ITGAD: variants seen among roughly 807,000 people sequenced by gnomAD.
The protein encoded by ITGAD is integrin subunit alpha D.
A neutral mutation model predicts 139.0 loss-of-function variants in ITGAD; 105 were observed. That is an observed-to-expected ratio of 0.76 (90% confidence interval 0.65 to 0.89). The LOEUF (loss-of-function observed/expected upper bound fraction) is 0.89. ITGAD is among the 40% of genes least tolerant of loss of function. ITGAD has a pLI of 0.00. For missense variants in ITGAD, 1,384 were observed against 1,487.3 expected (o/e 0.93, Z 1.14); for synonymous variants, 569 against 598.3 (o/e 0.95, Z 0.71).
Position 31,416,404 on chromosome 16 carries a change from T to C in ITGAD, c.2358-101T>C, listed in dbSNP as rs564246483. On this transcript the variant is annotated intron_variant, in intron 19 of 29. Coordinates refer to ENST00000389202, the MANE Select transcript of ITGAD (RefSeq NM_005353.3). ...AAAAGTGATGTTCACTGGATTGTTA[T>C]TGGCCCAGAGCTCCAGAGTTCCTGG... 329 of 1,527,478 alleles carry C rather than the reference T, an allele frequency of 2.2e-4. 1 individual carries two copies. In the African/African-American group the frequency reaches 3.9e-3, roughly 18 times the overall value. 94.6% of individuals were successfully genotyped at this position (1,527,478 alleles called of 1,614,324 possible).
intron 10 of ITGAD, 102 bp downstream of exon 10, chr16:31,408,600 C>G (rs566226975): frequency 9.9e-7 from 1 of 1,009,488 alleles, no homozygotes; most frequent in South Asian, 1.4e-5. Context: ...CAGACCCCAT[C>G]CTCAATCGCC....
chr16:31,404,443 C>G (rs2142681584), intron 7 of ITGAD: 1 of 152,342 alleles, frequency 6.6e-6, no homozygotes, highest in Admixed American at 6.5e-5. Context: ...ATGCTCCCAC[C>G]AAACGCACCC....
At position 31,397,883 on chromosome 16, in the gene ITGAD, T is replaced by A. The variant is rs369894184; in HGVS notation, c.401T>A (p.Ile134Asn). 417 of 1,613,244 alleles carry A rather than the reference T, an allele frequency of 2.6e-4. 3 individuals carry two copies. In the South Asian group the frequency reaches 4.3e-3, roughly 17 times the overall value. The change falls in exon 5 of 30, where the codon ATC becomes AAC. Residue 134 changes from isoleucine to asparagine, a missense_variant. By Grantham distance (149) the Ile-to-Asn change is moderately radical. Coordinates refer to ENST00000389202, the MANE Select transcript of ITGAD (RefSeq NM_005353.3). ...CLLLGSRWEI[I>N]QTVPDATPEC... is the part of the protein sequence containing the mutation. The stretch of plus-strand genomic sequence containing the variant: ...CTGCTGGGCTCGCGCTGGGAGATCA[T>A]CCAGACAGTCCCCGACGCCACGCCA...
At chr16:31,413,064 T>C in intron 15 of ITGAD, 25 bp from the exon 16 acceptor site, 1 of 1,613,252 alleles carries the variant, frequency 6.2e-7, no homozygotes, top group South Asian at 1.1e-5. Flanking sequence ...CAGTGTTCTG[T>C]CCTCCCCACT....
Position 31,424,621 on chromosome 16 carries a change from AG to A in ITGAD, c.3372+45del, listed in dbSNP as rs753085814. The A allele has an allele frequency of 5.4e-6, 7 of 1,295,990 alleles. No individual in the cohort carries two copies. The South Asian group carries it at 9.4e-5, about 17-fold the overall frequency. 80.3% of individuals were successfully genotyped at this position (1,295,990 alleles called of 1,614,324 possible). On this transcript the variant is annotated intron_variant, in intron 29 of 29. Transcript: ENST00000389202. ...TCTTTTTTTTTTTTTTTTGAGATGG[AG>A]TTTCCACTCTTACTGCCCAGGCTGG...
In ITGAD at chr16:31,410,503, G is replaced by A; in HGVS notation, c.1192G>A (p.Asp398Asn). 1.2e-6 allele frequency: 2 copies of A among 1,613,236 alleles called. No homozygotes were observed. Among genetic ancestry groups the A allele is most frequent in the South Asian group, 1.1e-5 (1 of 91,054 alleles). ...TFINMSQENV[D>N]MRDSYLGYST... ...CATCAACATGTCTCAGGAGAATGTGGACATGAGGGACTCTTACCTGGGTGA... is the reference window on the plus strand; with the variant it reads ...CATCAACATGTCTCAGGAGAATGTGAACATGAGGGACTCTTACCTGGGTGA... Residue 398 changes from aspartate (D) to asparagine (N), a missense_variant, in exon 11 of 30, where the codon GAC (aspartate) becomes AAC (asparagine). Transcript: ENST00000389202.
intron 26 of ITGAD, 83 bp from the exon 27 acceptor site, chr16:31,423,762 C>A: frequency 1.3e-6 from 2 of 1,544,274 alleles, no homozygotes; most frequent in Non-Finnish European, 1.8e-6. Context: ...CATCTGTTCC[C>A]CACCCCAAAC....
intron 19 of ITGAD, 53 bp downstream of exon 19, chr16:31,416,339 C>T: frequency 6.5e-7 from 1 of 1,526,958 alleles, no homozygotes; most frequent in Non-Finnish European, 9.0e-7. Flanking sequence ...AGTCCCCCAT[C>T]CTCCTGGGAT....
At position 31,397,468 on chromosome 16, in the gene ITGAD, T is replaced by A. The variant is rs2081294178; in HGVS notation, c.241+6T>A. ...CCAGCCCATCCCGCTGCACAGTGAG[T>A]GACCACCTGGGAATTGGGCCCCTCA... On this transcript the variant is annotated splice_donor_region_variant and intron_variant, in intron 3 of 29. Transcript: ENST00000389202. The A allele has an allele frequency of 1.3e-6, 2 of 1,588,076 alleles. No individual in the cohort carries two copies. The highest frequency in any genetic ancestry group is 1.7e-6 in the Non-Finnish European group (2 of 1,166,028).
intron 7 of ITGAD, among the ~76,000 whole-genome samples, chr16:31,405,072 TG>T (rs1322776103): frequency 3.3e-5 from 5 of 152,110 alleles, no homozygotes; most frequent in Non-Finnish European, 7.3e-5. Context: ...GGCTGATTTT[TG>T]TATTCCAAGT....
chr16:31,410,448 C>T lies in ITGAD; in HGVS notation c.1137C>T (p.Phe379=), dbSNP rs1198481858. 1 of 1,614,026 alleles carries T rather than the reference C, an allele frequency of 6.2e-7. No individual in the cohort carries two copies. The highest frequency in any genetic ancestry group is 2.2e-5 in the East Asian group (1 of 44,868). ...VGSFSWSGGA[F]LYPPNMSPTF... is the part of the protein sequence containing the mutation. ...GCTTTAGCTGGTCTGGAGGTGCCTT[C>T]CTGTATCCCCCAAATATGAGCCCCA... The change falls in exon 11 of 30, where the codon TTC becomes TTT. Residue 379 remains phenylalanine (F), a synonymous_variant. Transcript: ENST00000389202.
chr16:31,397,520 G>A (rs561770435), intron 3 of ITGAD, 58 bp downstream of exon 3: 44 of 1,584,832 alleles, frequency 2.8e-5, no homozygotes, highest in East Asian at 1.8e-4. Flanking sequence ...CTGTGCCCCC[G>A]CTTAGCTTCC....
Position 31,424,597 on chromosome 16 carries a change from C to CTT in ITGAD, c.3372+35_3372+36dup, listed in dbSNP as rs372527847. On this transcript the variant is annotated intron_variant, in intron 29 of 29. Transcript: ENST00000389202. ...TACAAGGCAAGTGTTTTATCCAACT[C>CTT]TTTTTTTTTTTTTTTTGAGATGGAG... 4.2e-3 allele frequency: 4,960 copies of CTT among 1,190,556 alleles called. No individual in the cohort carries two copies. The highest frequency in any genetic ancestry group is 6.4e-3 in the South Asian group (417 of 65,246). The allele number at this position is 1,190,556 out of a possible 1,614,324, so 73.7% of individuals were successfully genotyped here. A position where few individuals can be genotyped will look rare whatever the true frequency, so the allele number is the denominator to read the frequency against.
intron 2 of ITGAD, 98 bp from the exon 3 acceptor site, chr16:31,397,260 GT>G: frequency 1.3e-6 from 1 of 764,064 alleles, no homozygotes; most frequent in South Asian, 1.7e-5. Context: ...CCCCCACAGA[GT>G]CTCGCTTCCC....
At chr16:31,408,628 C>A (rs1597130965) in intron 10 of ITGAD, 130 bp downstream of exon 10, 1 of 743,664 alleles carries the variant, frequency 1.3e-6, no homozygotes, top group Non-Finnish European at 2.2e-6. Flanking sequence ...GGCCCCCACG[C>A]GTGTGTTAGG....
At chr16:31,396,708 G>A (rs2081271624) in intron 2 of ITGAD, among the ~76,000 whole-genome samples, 1 of 152,204 alleles carries the variant, frequency 6.6e-6, no homozygotes, top group Non-Finnish European at 1.5e-5. Context: ...ACCAGTATCT[G>A]TCTGCTTTTC....
At chr16:31,409,224 G>A (rs1385610989) in intron 10 of ITGAD, among the ~76,000 whole-genome samples, 2 of 152,098 alleles carry the variant, frequency 1.3e-5, no homozygotes, top group Non-Finnish European at 2.9e-5. Flanking sequence ...GAACCCAGGA[G>A]GCAGAGGTTG....
At chr16:31,423,500 A>G in intron 25 of ITGAD, 41 bp downstream of exon 25, 1 of 1,603,220 alleles carries the variant, frequency 6.2e-7, no homozygotes, top group East Asian at 2.2e-5. Context: ...CTGACATCCC[A>G]CAGCACAGCA....
At position 31,412,960 on chromosome 16, in the gene ITGAD, C is replaced by T. The variant is rs759673855; in HGVS notation, c.1830C>T (p.Leu610=). Residue 610 remains leucine, a synonymous_variant, in exon 15 of 30, where the codon CTC becomes CTT. Coordinates refer to ENST00000389202, the MANE Select transcript of ITGAD (RefSeq NM_005353.3). ...CCGTGGGGGCCCGGGGCCAGGTGCTCCTGCTCAGGTAGCGACTCCCCAACA... is the reference window on the plus strand; with the variant it reads ...CCGTGGGGGCCCGGGGCCAGGTGCTTCTGCTCAGGTAGCGACTCCCCAACA... The part of the protein sequence containing the change: ...DLAVGARGQV[L]LLRSLPVLKV... 6.2e-7 allele frequency: 1 copy of T among 1,607,376 alleles called. No homozygotes were observed. The highest frequency in any genetic ancestry group is 1.1e-5 in the South Asian group (1 of 90,126).
Sources: gnomAD v4.1 joint callset for allele counts (sites outside exome capture counted in the v4.1 genomes callset) on GRCh38, gnomAD v4.1.1 for gene constraint, MANE v1.5 for transcripts, NCBI Gene and HGNC (gene_info 2026-07-23, HGNC 2026-07-21) for gene names.